FMNL2: variants seen among roughly 807,000 people sequenced by gnomAD.
FMNL2 encodes formin like 2.
A neutral mutation model predicts 130.2 loss-of-function variants in FMNL2; 51 were observed. The ratio of observed to expected loss-of-function variants is 0.39; its 90% CI spans 0.31 to 0.49. The LOEUF (loss-of-function observed/expected upper bound fraction) is 0.49. Ranked by LOEUF, FMNL2 falls within the 20% of genes least tolerant of loss-of-function variation. FMNL2 has a pLI of 0.85. For missense variants in FMNL2, 977 were observed against 1,316.2 expected, an observed-to-expected ratio of 0.74 and a Z score of 3.99; for synonymous variants, 465 against 467.1, an observed-to-expected ratio of 1.00 and a Z score of 0.06.
chr2:152,434,782 G>T (rs754957530), intron 1 of FMNL2, among the ~76,000 whole-genome samples: 11 of 151,990 alleles, frequency 7.2e-5, no homozygotes, highest in Non-Finnish European at 1.5e-4. Flanking sequence ...ATGCTACTTT[G>T]CGGAAGCTTA....
intron 9 of FMNL2, among the ~76,000 whole-genome samples, chr2:152,594,886 A>G (rs1697670262): frequency 6.6e-6 from 1 of 152,186 alleles, no homozygotes; most frequent in Admixed American, 6.5e-5. Context: ...CACACTCACT[A>G]GAAGAAAATA....
chr2:152,393,008 C>T (rs538840355), intron 1 of FMNL2, among the ~76,000 whole-genome samples: 1 of 152,242 alleles, frequency 6.6e-6, no homozygotes, highest in African/African-American at 2.4e-5. Flanking sequence ...CTCTTTCAGG[C>T]CTCCAGCAGG....
At chr2:152,390,632 C>G in intron 1 of FMNL2, 1 of 932,600 alleles carries the variant, frequency 1.1e-6, no homozygotes, top group Non-Finnish European at 1.8e-6. Context: ...CCAAATTCAA[C>G]TAGCCCGTGC....
intron 1 of FMNL2, among the ~76,000 whole-genome samples, chr2:152,414,470 C>T (rs1686494853): frequency 6.6e-6 from 1 of 152,158 alleles, no homozygotes; most frequent in Non-Finnish European, 1.5e-5. Flanking sequence ...CAGAAGGGGA[C>T]ATCCTCACCG....
At chr2:152,515,249 G>A (rs991713969) in intron 1 of FMNL2, among the ~76,000 whole-genome samples, 8 of 152,090 alleles carry the variant, frequency 5.3e-5, no homozygotes, top group Non-Finnish European at 1.2e-4. Context: ...GACATGCTCC[G>A]TTTTATATTT....
Position 152,629,923 on chromosome 2 carries a change from A to G in FMNL2, c.2550+18A>G. 6.3e-7 allele frequency: 1 copy of G among 1,589,648 alleles called. No homozygotes were observed. The highest frequency in any genetic ancestry group is 1.8e-5 in the Admixed American group (1 of 56,034). ...TAGATCTGGTGAGTGGACTAAAAGA[A>G]ATTTGAGAGCTGTTTGAAGGACAGA... is the stretch of plus-strand genomic sequence containing the variant. On this transcript the variant is annotated intron_variant, in intron 20 of 25. Coordinates refer to ENST00000288670, the MANE Select transcript of FMNL2 (RefSeq NM_052905.4).
chr2:152,518,915 C>G (rs1478797215), intron 1 of FMNL2, among the ~76,000 whole-genome samples: 2 of 152,206 alleles, frequency 1.3e-5, no homozygotes, highest in African/African-American at 4.8e-5. Flanking sequence ...CAATGGCTTC[C>G]CGTGGCACTT....
chr2:152,366,737 G>C (rs1683574403), intron 1 of FMNL2, among the ~76,000 whole-genome samples: 2 of 152,160 alleles, frequency 1.3e-5, no homozygotes, highest in South Asian at 4.1e-4. Context: ...AGGCCGAGGT[G>C]GGTGGATGGC....
chr2:152,335,870 C>T, intron 1 of FMNL2, 150 bp downstream of exon 1: 1 of 520,178 alleles, frequency 1.9e-6, no homozygotes, highest in Non-Finnish European at 3.3e-6. Context: ...GGCCCCCCAG[C>T]ACTCCTCTTC....
intron 1 of FMNL2, among the ~76,000 whole-genome samples, chr2:152,369,859 T>C (rs936319606): frequency 1.3e-5 from 2 of 152,204 alleles, no homozygotes; most frequent in Admixed American, 6.5e-5. Context: ...TATTGTTTGA[T>C]TATTTATATG....
In FMNL2 at chr2:152,397,334, A is replaced by T. The variant is rs189252913; in HGVS notation, c.117+61614A>T. 2.0e-5 allele frequency among the ~76,000 whole-genome samples: 3 copies of T among 152,288 alleles called. No homozygotes were observed. The East Asian group carries it at 5.8e-4, about 29-fold the overall frequency. On this transcript the variant is annotated intron_variant, in intron 1 of 25. Transcript: ENST00000288670. The stretch of plus-strand genomic sequence containing the variant: ...AATGTAGGTGGGGAAGACTTAGGGA[A>T]ATTATTCGGATAGTTCAGTTCCTTT...
At chr2:152,610,398 A>G (rs925567602) in intron 10 of FMNL2, among the ~76,000 whole-genome samples, 7 of 152,242 alleles carry the variant, frequency 4.6e-5, no homozygotes, top group African/African-American at 1.7e-4. Flanking sequence ...CCTTACCACA[A>G]TTTAGGACAC....
intron 9 of FMNL2, among the ~76,000 whole-genome samples, chr2:152,602,619 A>T (rs1698136741): frequency 6.6e-6 from 1 of 152,214 alleles, no homozygotes; most frequent in South Asian, 2.1e-4. Context: ...GTCAAGAATG[A>T]CACGTTTCAG....
intron 1 of FMNL2, among the ~76,000 whole-genome samples, chr2:152,492,927 C>G (rs1691295762): frequency 6.6e-6 from 1 of 151,824 alleles, no homozygotes; most frequent in African/African-American, 2.4e-5. Flanking sequence ...ATTTCATTAC[C>G]TTTGTAGTGT....
intron 1 of FMNL2, among the ~76,000 whole-genome samples, chr2:152,520,281 AG>A (rs11389713): frequency 6.6e-6 from 1 of 151,854 alleles, no homozygotes; most frequent in Non-Finnish European, 1.5e-5. Context: ...GTCAGCTTTG[AG>A]GGGGGGTGAT....
intron 6 of FMNL2, among the ~76,000 whole-genome samples, chr2:152,568,231 T>TTGTTTTGTTTTTGTTTTTTTG (rs1695971264): frequency 2.7e-5 from 4 of 150,526 alleles, no homozygotes; most frequent in Admixed American, 6.6e-5. Flanking sequence ...TTTTTTTTTT[T>TTGTTTTGTTTTTGTTTTTTTG]TTGAGACGGA....
chr2:152,466,346 T>C (rs1254059141), intron 1 of FMNL2, among the ~76,000 whole-genome samples: 1 of 152,240 alleles, frequency 6.6e-6, no homozygotes, highest in East Asian at 1.9e-4. Flanking sequence ...GAAAATGTTT[T>C]CCACTACTAG....
At chr2:152,526,569 G>C (rs1287898471) in intron 2 of FMNL2, among the ~76,000 whole-genome samples, 3 of 151,922 alleles carry the variant, frequency 2.0e-5, no homozygotes, top group Non-Finnish European at 4.4e-5. Flanking sequence ...CTATCCTCTG[G>C]CTAACTGACA....
At chr2:152,500,129 G>A (rs541483577) in intron 1 of FMNL2, among the ~76,000 whole-genome samples, 8 of 152,200 alleles carry the variant, frequency 5.3e-5, no homozygotes, top group Admixed American at 3.9e-4. Context: ...AACAACTTGG[G>A]TGGGGGAATC....
Sources: gnomAD v4.1 joint callset for allele counts (sites outside exome capture counted in the v4.1 genomes callset) on GRCh38, gnomAD v4.1.1 for gene constraint, MANE v1.5 for transcripts, NCBI Gene and HGNC (gene_info 2026-07-23, HGNC 2026-07-21) for gene names.